ANOS1: variants seen among roughly 807,000 people sequenced by gnomAD.
ANOS1 encodes anosmin 1.
In ANOS1, 6 loss-of-function variants were observed where a neutral mutation model predicts 59.0. The observed-to-expected ratio is 0.10, with a 90% CI of 0.06 to 0.20. The LOEUF is 0.20. Ranked by LOEUF, ANOS1 falls within the 10% of genes least tolerant of loss-of-function variation. The pLI is 1.00. For missense variants in ANOS1, 433 were observed against 542.3 expected (o/e 0.80, Z 2.00); for synonymous variants, 217 against 223.4 (o/e 0.97, Z 0.25).
chrX:8,580,374 T>A (rs1181756061), intron 6 of ANOS1, among the ~76,000 whole-genome samples: 2 of 103,159 alleles, frequency 1.9e-5, no homozygotes, highest in Non-Finnish European at 3.8e-5. Context: ...TCTTAAAAAA[T>A]TAATGATTTT....
At chrX:8,601,270 A>C (rs1201695931) in intron 3 of ANOS1, among the ~76,000 whole-genome samples, 1 of 110,932 alleles carries the variant, frequency 9.0e-6, no homozygotes, top group African/African-American at 3.3e-5. Context: ...TGGAAATCAC[A>C]GTGACTTAGT....
intron 1 of ANOS1, among the ~76,000 whole-genome samples, chrX:8,700,881 C>T (rs1450555350): frequency 1.8e-5 from 2 of 110,871 alleles, no homozygotes; most frequent in Non-Finnish European, 3.8e-5. Context: ...TGGTGGCACA[C>T]GCCTGTAATC....
At chrX:8,666,531 T>G (rs1460521828) in intron 2 of ANOS1, among the ~76,000 whole-genome samples, 1 of 111,734 alleles carries the variant, frequency 8.9e-6, no homozygotes, top group Non-Finnish European at 1.9e-5. Flanking sequence ...ATCTGCAACA[T>G]TGTAAGTTTT....
chrX:8,668,510 T>C (rs1431161752), intron 2 of ANOS1, among the ~76,000 whole-genome samples: 1 of 76,754 alleles, frequency 1.3e-5, no homozygotes, highest in African/African-American at 5.1e-5. Flanking sequence ...TATTCCATCA[T>C]ATATATATGA....
At chrX:8,716,775 C>A (rs1315916264) in intron 1 of ANOS1, among the ~76,000 whole-genome samples, 1 of 111,956 alleles carries the variant, frequency 8.9e-6, no homozygotes, top group African/African-American at 3.3e-5. Flanking sequence ...ACAGCACAGA[C>A]CCTTAGTGTT....
rs201050316 is a variant in ANOS1 at position 8,597,197 on chromosome X, G to C, written c.378C>G (p.Ile126Met). The part of the protein sequence containing the change: ...CLTSCEFLKY[I>M]LLVKQGDCPA... ...GACAGTCCCCCTGCTTCACCAACAGGATGTATTTGAGGAACTCACAGCTGG... is the reference window on the plus strand; with the variant it reads ...GACAGTCCCCCTGCTTCACCAACAGCATGTATTTGAGGAACTCACAGCTGG... Residue 126 changes from isoleucine to methionine, a missense_variant, in exon 4 of 14, where the codon ATC becomes ATG. Ile to Met is a conservative substitution (Grantham distance 10, BLOSUM62 1). Coordinates refer to ENST00000262648, the MANE Select transcript of ANOS1 (RefSeq NM_000216.4). The C allele has an allele frequency of 8.3e-7, 1 of 1,211,617 alleles. No individual in the cohort carries two copies.
intron 2 of ANOS1, among the ~76,000 whole-genome samples, chrX:8,667,384 C>T (rs901346340): frequency 2.3e-4 from 26 of 111,021 alleles, no homozygotes; most frequent in Admixed American, 2.3e-3. Context: ...TGGACTCAAA[C>T]TCCTGGGCTT....
chrX:8,598,245 G>T (rs1474689143), intron 3 of ANOS1, among the ~76,000 whole-genome samples: 2 of 111,921 alleles, frequency 1.8e-5, no homozygotes, highest in African/African-American at 6.5e-5. Flanking sequence ...AGGACATTTT[G>T]GTTGAGCCCA....
At chrX:8,653,731 T>G (rs899780882) in intron 2 of ANOS1, among the ~76,000 whole-genome samples, 1 of 111,760 alleles carries the variant, frequency 8.9e-6, no homozygotes, top group Non-Finnish European at 1.9e-5. Context: ...GCTCACTGCG[T>G]TTTTTGTCTG....
chrX:8,590,347 TG>T (rs1930595647), intron 4 of ANOS1, among the ~76,000 whole-genome samples: 1 of 100,415 alleles, frequency 1.0e-5, no homozygotes, highest in African/African-American at 3.4e-5. Flanking sequence ...ATGGTTTTTT[TG>T]TTTGTTTGTT....
chrX:8,693,692 C>A lies in ANOS1; in HGVS notation c.255+6006G>T, dbSNP rs991553359. Among the ~76,000 whole-genome samples, 4 of 108,107 alleles carry A rather than the reference C, an allele frequency of 3.7e-5. No individual in the cohort carries two copies. In the Admixed American group the frequency reaches 4.0e-4, roughly 11 times the overall value. The allele number at this position is 108,107 out of a possible 115,157, so 93.9% of individuals were successfully genotyped here. A position where few individuals can be genotyped will look rare whatever the true frequency, so the allele number is the denominator to read the frequency against. On this transcript the variant is annotated intron_variant, in intron 2 of 13. Coordinates refer to ENST00000262648, the MANE Select transcript of ANOS1 (RefSeq NM_000216.4). ...AAGGGGGAGAAGGTGGTTATGTCCC[C>A]ATTGGTACAGTAATGGGGACTCATA...
At position 8,529,638 on chromosome X, in the gene ANOS1, C is replaced by G. The variant is rs1455250184; in HGVS notation, c.*3357G>C. 8.9e-6 allele frequency: 1 copy of G among 112,064 alleles called. No homozygotes were observed. The highest frequency in any genetic ancestry group is 3.2e-5 in the African/African-American group (1 of 30,872). 9.2% of individuals were successfully genotyped at this position (112,064 alleles called of 1,213,427 possible). A position where few individuals can be genotyped will look rare whatever the true frequency, so the allele number is the denominator to read the frequency against. On this transcript the variant is annotated 3_prime_UTR_variant, in exon 14 of 14. Coordinates refer to ENST00000262648, the MANE Select transcript of ANOS1 (RefSeq NM_000216.4). ...AAAACACAGTTTAGGCCTTTGAAGTCAACCATAATAACTTCTTAGCTGTCC... is the reference window on the plus strand; with the variant it reads ...AAAACACAGTTTAGGCCTTTGAAGTGAACCATAATAACTTCTTAGCTGTCC...
intron 2 of ANOS1, among the ~76,000 whole-genome samples, chrX:8,661,593 T>A (rs1932039138): frequency 8.9e-6 from 1 of 112,363 alleles, no homozygotes. Context: ...AACAGTAGAC[T>A]TTTTGGAATG....
At chrX:8,648,415 C>T (rs1016847535) in intron 2 of ANOS1, among the ~76,000 whole-genome samples, 1 of 102,742 alleles carries the variant, frequency 9.7e-6, no homozygotes, top group Non-Finnish European at 1.9e-5. Context: ...CAGCTGAAAT[C>T]GTGCCACTGT....
intron 5 of ANOS1, among the ~76,000 whole-genome samples, chrX:8,586,100 C>T (rs1203728992): frequency 8.9e-6 from 1 of 111,916 alleles, no homozygotes; most frequent in African/African-American, 3.2e-5. Context: ...TGTTTTGTTT[C>T]CATTGGTAGA....
Position 8,625,157 on chromosome X carries a change from G to A in ANOS1, c.256-1487C>T, listed in dbSNP as rs141248366. On this transcript the variant is annotated intron_variant, in intron 2 of 13. Transcript: ENST00000262648. ...TAAAGCATATATAGTGTGTACATAC[G>A]GGATGTCTGTGTGTGCCTGATTGTT... Among the ~76,000 whole-genome samples, 747 of 110,729 alleles carry A rather than the reference G, an allele frequency of 6.7e-3. 3 individuals carry two copies. The highest frequency in any genetic ancestry group is 0.019 in the Middle Eastern group (4 of 213).
At chrX:8,719,137 A>G (rs1217900824) in intron 1 of ANOS1, among the ~76,000 whole-genome samples, 3 of 111,935 alleles carry the variant, frequency 2.7e-5, no homozygotes, top group South Asian at 3.8e-4. Context: ...GGGGTGACAC[A>G]TGTCAATATA....
chrX:8,529,581 CG>C lies in ANOS1; in HGVS notation c.*3413del, dbSNP rs1929464671. 1 of 111,779 alleles carries C rather than the reference CG, an allele frequency of 8.9e-6. No homozygotes were observed. The highest frequency in any genetic ancestry group is 3.3e-5 in the African/African-American group (1 of 30,766). The allele number at this position is 111,779 out of a possible 1,213,427, so 9.2% of individuals were successfully genotyped here. On this transcript the variant is annotated 3_prime_UTR_variant, in exon 14 of 14. Coordinates refer to ENST00000262648, the MANE Select transcript of ANOS1 (RefSeq NM_000216.4). ...ATGATACAGACACGAGTCAAAATTC[CG>C]TCTTTTAATCAAGTTGTTTAGTGGA...
intron 2 of ANOS1, among the ~76,000 whole-genome samples, chrX:8,665,395 T>A (rs952586127): frequency 8.9e-6 from 1 of 112,394 alleles, no homozygotes; most frequent in African/African-American, 3.2e-5. Context: ...GATATTGCAC[T>A]CCCTAACTCA....
Sources: gnomAD v4.1 joint callset for allele counts (sites outside exome capture counted in the v4.1 genomes callset) on GRCh38, gnomAD v4.1.1 for gene constraint, MANE v1.5 for transcripts, NCBI Gene and HGNC (gene_info 2026-07-23, HGNC 2026-07-21) for gene names.